The following GRIK1 variants were observed in gnomAD, a reference collection of about 807,000 sequenced individuals.
GRIK1 encodes glutamate receptor ionotropic, kainate 1.
Under a neutral mutation model 105.7 loss-of-function variants are expected in GRIK1, and 69 were observed. That is an observed-to-expected ratio of 0.65 (90% CI 0.54 to 0.80). The LOEUF is 0.80. Among genes scored for constraint, GRIK1 ranks in the 30% least tolerant of loss-of-function variants. The pLI, the probability that GRIK1 is intolerant of heterozygous loss-of-function variation, is 0.00. For missense variants in GRIK1, 1,109 were observed against 1,167.3 expected (o/e 0.95, Z 0.73); for synonymous variants, 438 against 431.3 (o/e 1.02, Z -0.19).
intron 1 of GRIK1, among the ~76,000 whole-genome samples, chr21:29,844,169 AATTTT>A (rs1479575111): frequency 6.6e-6 from 1 of 152,088 alleles, no homozygotes; most frequent in Admixed American, 6.5e-5. Flanking sequence ...CCTTTGGCTT[AATTTT>A]ATTTTATTTC....
chr21:29,844,598 G>A (rs574614701), intron 1 of GRIK1, among the ~76,000 whole-genome samples: 27 of 152,218 alleles, frequency 1.8e-4, no homozygotes, highest in African/African-American at 6.0e-4. Flanking sequence ...ACAAAAACAC[G>A]AATATTAGAC....
chr21:29,775,340 T>A (rs926236589), intron 1 of GRIK1, among the ~76,000 whole-genome samples: 1 of 151,260 alleles, frequency 6.6e-6, no homozygotes, highest in Non-Finnish European at 1.5e-5. Flanking sequence ...CCTTAAACCA[T>A]TGAAGAATCA....
chr21:29,804,472 C>T (rs1014145035), intron 1 of GRIK1, among the ~76,000 whole-genome samples: 1 of 152,080 alleles, frequency 6.6e-6, no homozygotes, highest in East Asian at 1.9e-4. Flanking sequence ...AGACAAAACG[C>T]TAAACTTGCC....
chr21:29,735,668 G>A (rs1203761675), intron 1 of GRIK1, among the ~76,000 whole-genome samples: 3 of 152,060 alleles, frequency 2.0e-5, no homozygotes, highest in African/African-American at 7.2e-5. Flanking sequence ...AGGTCGAGGC[G>A]GGTGGATCAC....
intron 1 of GRIK1, among the ~76,000 whole-genome samples, chr21:29,760,812 CTG>C (rs2145691304): frequency 6.6e-6 from 1 of 152,268 alleles, no homozygotes; most frequent in Admixed American, 6.5e-5. Flanking sequence ...AACTGTACCT[CTG>C]TAGATCTGTA....
At chr21:29,733,428 T>G (rs1318808884) in intron 1 of GRIK1, among the ~76,000 whole-genome samples, 1 of 152,140 alleles carries the variant, frequency 6.6e-6, no homozygotes, top group Non-Finnish European at 1.5e-5. Flanking sequence ...TTTTGCTAAA[T>G]TTGTATATCT....
Position 29,856,846 on chromosome 21 carries a change from CTG to C in GRIK1, c.118+82535_118+82536del, listed in dbSNP as rs2068479602. ...GATGGAGACGTGGCAGACATAAACACTGAGAGAGCAGTATTTTAGGCACCACA... is the reference window on the plus strand; with the variant it reads ...GATGGAGACGTGGCAGACATAAACACAGAGAGCAGTATTTTAGGCACCACA... On this transcript the variant is annotated intron_variant, in intron 1 of 17. Transcript: ENST00000327783. Among the ~76,000 whole-genome samples the C allele has an allele frequency of 2.0e-5, 3 of 152,178 alleles. No individual in the cohort carries two copies. In the South Asian group the frequency reaches 6.2e-4, roughly 32 times the overall value.
intron 15 of GRIK1, among the ~76,000 whole-genome samples, chr21:29,555,515 G>A (rs2090230012): frequency 6.6e-6 from 1 of 152,090 alleles, no homozygotes; most frequent in African/African-American, 2.4e-5. Context: ...GATTAACTTT[G>A]GCCCCGATTG....
chr21:29,689,709 T>A lies in GRIK1; in HGVS notation c.544+19A>T. 6.2e-7 allele frequency: 1 copy of A among 1,611,370 alleles called. No homozygotes were observed. Among genetic ancestry groups the A allele is most frequent in the Non-Finnish European group, 8.5e-7 (1 of 1,177,688 alleles). On this transcript the variant is annotated intron_variant, in intron 3 of 17. Transcript: ENST00000327783. ...TCAGAGCAGACATGGTCGGGTGAGGTCTTGTGTGAGTCCCATACCTGTGCT... is the reference window on the plus strand; with the variant it reads ...TCAGAGCAGACATGGTCGGGTGAGGACTTGTGTGAGTCCCATACCTGTGCT...
chr21:29,820,730 G>T (rs1429109804), intron 1 of GRIK1, among the ~76,000 whole-genome samples: 1 of 151,788 alleles, frequency 6.6e-6, no homozygotes, highest in Non-Finnish European at 1.5e-5. Flanking sequence ...AATAATAATA[G>T]GTATGATTAT....
chr21:29,901,251 A>C (rs1160248637), intron 1 of GRIK1, among the ~76,000 whole-genome samples: 2 of 152,204 alleles, frequency 1.3e-5, no homozygotes. Context: ...GAGAAGCAAG[A>C]GCAAACAAAT....
chr21:29,826,869 T>C (rs1483969306), intron 1 of GRIK1, among the ~76,000 whole-genome samples: 1 of 152,206 alleles, frequency 6.6e-6, no homozygotes, highest in South Asian at 2.1e-4. Context: ...AAAGTATCAA[T>C]AGAAGAATCA....
chr21:29,791,356 G>A lies in GRIK1; in HGVS notation c.119-97293C>T, dbSNP rs2066408846. Among the ~76,000 whole-genome samples, 3 of 152,292 alleles carry A rather than the reference G, an allele frequency of 2.0e-5. 1 individual carries two copies. The South Asian group carries it at 6.2e-4, about 32-fold the overall frequency. The stretch of plus-strand genomic sequence containing the variant: ...GGAGGGAAAAGGGTTTGGGGGCACT[G>A]AAGCCTGGAGAAAGAACAGTGCTTT... On this transcript the variant is annotated intron_variant, in intron 1 of 17. Transcript: ENST00000327783.
At chr21:29,776,552 A>G (rs1040278238) in intron 1 of GRIK1, among the ~76,000 whole-genome samples, 4 of 152,238 alleles carry the variant, frequency 2.6e-5, no homozygotes, top group African/African-American at 9.6e-5. Context: ...ATGAGAGAAG[A>G]AAAATGGAGA....
At chr21:29,585,457 C>T (rs1209453497) in intron 12 of GRIK1, among the ~76,000 whole-genome samples, 1 of 152,108 alleles carries the variant, frequency 6.6e-6, no homozygotes, top group Non-Finnish European at 1.5e-5. Context: ...CGTTTCTTCT[C>T]CTACTGGCTT....
chr21:29,886,690 T>C (rs2069642157), intron 1 of GRIK1, among the ~76,000 whole-genome samples: 5 of 152,188 alleles, frequency 3.3e-5, no homozygotes, highest in Admixed American at 3.3e-4. Context: ...CAATGGATCC[T>C]TTCAACTCTG....
chr21:29,553,628 GTAGA>G, intron 16 of GRIK1: 2 of 1,607,208 alleles, frequency 1.2e-6, no homozygotes, highest in Middle Eastern at 1.7e-4. Flanking sequence ...TTCTAAATCC[GTAGA>G]TAAAGTAGTT....
At chr21:29,548,848 A>C (rs753338122) in intron 16 of GRIK1, among the ~76,000 whole-genome samples, 16 of 152,238 alleles carry the variant, frequency 1.1e-4, no homozygotes, top group Admixed American at 3.3e-4. Flanking sequence ...TTCCTTAAAT[A>C]GCTCCAATTT....
At position 29,606,655 on chromosome 21, in the gene GRIK1, A is replaced by G. The variant is rs1304918375; in HGVS notation, c.1099-7718T>C. The stretch of plus-strand genomic sequence containing the variant: ...TTATGGGCCATTTAAGCTCAGAAAC[A>G]TCTTTTTTTAAAAACAAAACAAAAC... On this transcript the variant is annotated intron_variant, in intron 7 of 17. Transcript: ENST00000327783. Among the ~76,000 whole-genome samples, 7 of 147,898 alleles carry G rather than the reference A, an allele frequency of 4.7e-5. No homozygotes were observed. The East Asian group carries it at 1.2e-3, about 25-fold the overall frequency.
Sources: allele counts gnomAD v4.1 joint callset (sites outside exome capture counted in the v4.1 genomes callset), GRCh38; gene constraint gnomAD v4.1.1; transcripts MANE v1.5; gene names NCBI Gene and HGNC (gene_info 2026-07-23, HGNC 2026-07-21).